Variants in IQCM observed in about 807,000 individuals in gnomAD.
IQCM encodes IQ domain-containing protein M.
IQCM carries 45 observed loss-of-function variants against 57.6 expected under a neutral mutation model. That is an observed-to-expected ratio of 0.78 (90% CI 0.62 to 1.00). The LOEUF is 1.00. IQCM is among the 50% of genes least tolerant of loss of function. The pLI, the probability that IQCM is intolerant of heterozygous loss-of-function variation, is 0.00. For missense variants in IQCM, 468 were observed against 511.6 expected, an observed-to-expected ratio of 0.91 and a Z score of 0.82; for synonymous variants, 148 against 158.9, an observed-to-expected ratio of 0.93 and a Z score of 0.51.
intron 12 of IQCM, among the ~76,000 whole-genome samples, chr4:149,440,036 A>T (rs1251969762): frequency 6.7e-6 from 1 of 149,978 alleles, no homozygotes; most frequent in Non-Finnish European, 1.5e-5. Context: ...GGCTCACTGC[A>T]ACCTCTGCTT....
intron 10 of IQCM, among the ~76,000 whole-genome samples, chr4:149,561,956 T>C (rs568659577): frequency 6.6e-6 from 1 of 152,160 alleles, no homozygotes; most frequent in Non-Finnish European, 1.5e-5. Flanking sequence ...TTGGAGTTTA[T>C]CAGAAGATAA....
At chr4:149,516,729 C>T (rs570235471) in intron 12 of IQCM, among the ~76,000 whole-genome samples, 3 of 152,102 alleles carry the variant, frequency 2.0e-5, no homozygotes, top group African/African-American at 4.8e-5. Flanking sequence ...AAAATTTTTG[C>T]TTCCTGTTCC....
chr4:149,706,511 T>C (rs1008469730), intron 5 of IQCM, among the ~76,000 whole-genome samples: 1 of 152,012 alleles, frequency 6.6e-6, no homozygotes, highest in East Asian at 1.9e-4. Context: ...TGATGTTACC[T>C]GCTGATCTTA....
intron 2 of IQCM, among the ~76,000 whole-genome samples, chr4:149,801,325 G>A (rs1226552988): frequency 6.6e-6 from 1 of 151,932 alleles, no homozygotes; most frequent in Non-Finnish European, 1.5e-5. Flanking sequence ...AAGGAGAACA[G>A]TTTGGAGGTT....
intron 8 of IQCM, among the ~76,000 whole-genome samples, chr4:149,618,206 C>A (rs1755969168): frequency 1.3e-5 from 2 of 152,092 alleles, no homozygotes; most frequent in African/African-American, 4.8e-5. Context: ...CACATTATTA[C>A]AACCAAGTGA....
At chr4:149,373,802 G>A (rs1730525720) in intron 13 of IQCM, among the ~76,000 whole-genome samples, 1 of 151,888 alleles carries the variant, frequency 6.6e-6, no homozygotes, top group African/African-American at 2.4e-5. Context: ...CTAGAACACT[G>A]AGAAATTTTA....
rs140912789 is a variant in IQCM at position 149,747,342 on chromosome 4, A to G, written c.-48-4603T>C. On this transcript the variant is annotated intron_variant, in intron 2 of 13. Coordinates refer to ENST00000636793, the MANE Select transcript of IQCM (RefSeq NM_001363507.2). ...TAGATGTCAAAATCTGCAGATGCTC[A>G]AGTCCCTTATGTAAAATGCCATAGT... Among the ~76,000 whole-genome samples, 215 of 152,318 alleles carry G rather than the reference A, an allele frequency of 1.4e-3. 3 individuals are homozygous for G. The East Asian group carries it at 0.037, about 26-fold the overall frequency.
At chr4:149,507,098 G>A (rs1743898803) in intron 12 of IQCM, among the ~76,000 whole-genome samples, 1 of 152,142 alleles carries the variant, frequency 6.6e-6, no homozygotes, top group South Asian at 2.1e-4. Flanking sequence ...TCTACTGCCA[G>A]TGTGTGATGT....
At chr4:149,370,889 T>TAAG (rs756267354) in intron 13 of IQCM, among the ~76,000 whole-genome samples, 1 of 151,976 alleles carries the variant, frequency 6.6e-6, no homozygotes, top group Non-Finnish European at 1.5e-5. Context: ...GTTAATTCTT[T>TAAG]ATAGATAAAT....
chr4:149,358,860 ACT>A (rs1451778550), intron 13 of IQCM, among the ~76,000 whole-genome samples: 1 of 151,980 alleles, frequency 6.6e-6, no homozygotes, highest in Non-Finnish European at 1.5e-5. Context: ...ATCATGATAT[ACT>A]CTCATGAGTA....
chr4:149,426,527 T>C (rs551509232), intron 13 of IQCM, among the ~76,000 whole-genome samples: 9 of 152,094 alleles, frequency 5.9e-5, no homozygotes, highest in African/African-American at 2.2e-4. Flanking sequence ...GTAGCTTTAC[T>C]AGGTGGTTCA....
intron 10 of IQCM, among the ~76,000 whole-genome samples, chr4:149,559,686 C>A (rs1462546287): frequency 2.0e-5 from 3 of 152,122 alleles, no homozygotes; most frequent in South Asian, 4.1e-4. Context: ...ATTATCAAAT[C>A]AAAAAATACA....
At chr4:149,782,729 G>T (rs557698327) in intron 2 of IQCM, among the ~76,000 whole-genome samples, 23 of 151,340 alleles carry the variant, frequency 1.5e-4, no homozygotes, top group Admixed American at 1.2e-3. Context: ...AACATTATTA[G>T]GTAACTGATA....
At chr4:149,587,111 G>GT (rs1412709418) in intron 9 of IQCM, among the ~76,000 whole-genome samples, 1 of 151,536 alleles carries the variant, frequency 6.6e-6, no homozygotes, top group East Asian at 2.0e-4. Flanking sequence ...TCTAAACTCT[G>GT]TCTTCTGACA....
intron 12 of IQCM, among the ~76,000 whole-genome samples, chr4:149,532,023 C>T (rs1004066898): frequency 6.6e-6 from 1 of 152,026 alleles, no homozygotes; most frequent in Non-Finnish European, 1.5e-5. Flanking sequence ...TCCACTATCA[C>T]CTCATGTATC....
At chr4:149,669,532 T>C (rs1451747616) in intron 7 of IQCM, among the ~76,000 whole-genome samples, 4 of 152,206 alleles carry the variant, frequency 2.6e-5, no homozygotes, top group Admixed American at 2.0e-4. Flanking sequence ...TTTGGTGTTT[T>C]AGACATGAAG....
intron 13 of IQCM, among the ~76,000 whole-genome samples, chr4:149,363,923 CA>C (rs1421239994): frequency 5.9e-5 from 9 of 152,132 alleles, no homozygotes; most frequent in Admixed American, 5.9e-4. Context: ...GCATAAACAA[CA>C]CTTTCAAAAG....
At chr4:149,778,444 T>C (rs1771309988) in intron 2 of IQCM, among the ~76,000 whole-genome samples, 1 of 151,898 alleles carries the variant, frequency 6.6e-6, no homozygotes, top group Admixed American at 6.6e-5. Flanking sequence ...AAAGCAGTAG[T>C]AAGAGGGAAA....
chr4:149,514,933 C>T (rs1456691801), intron 12 of IQCM, among the ~76,000 whole-genome samples: 1 of 152,108 alleles, frequency 6.6e-6, no homozygotes, highest in Non-Finnish European at 1.5e-5. Flanking sequence ...ATGCTTCCTG[C>T]CCGTGAACAT....
Sources: allele counts gnomAD v4.1 joint callset (sites outside exome capture counted in the v4.1 genomes callset), GRCh38; gene constraint gnomAD v4.1.1; transcripts MANE v1.5; gene names NCBI Gene and HGNC (gene_info 2026-07-23, HGNC 2026-07-21).